The following TLE3 variants were observed in gnomAD, a reference collection of about 807,000 sequenced individuals.
TLE3 encodes the protein TLE family member 3, transcriptional corepressor, also known as transducin-like enhancer protein 3.
TLE3 carries 14 observed loss-of-function variants against 93.0 expected under a neutral mutation model. The ratio of observed to expected loss-of-function variants is 0.15; its 90% confidence interval spans 0.10 to 0.24. TLE3 has a LOEUF of 0.24. TLE3 is among the 10% of genes least tolerant of loss of function. The pLI is 1.00. For synonymous variants in TLE3, 451 were observed against 425.0 expected, an observed-to-expected ratio of 1.06 and a Z score of -0.75; for missense variants, 693 against 1,046.6, an observed-to-expected ratio of 0.66 and a Z score of 4.66.
chr15:70,053,613 G>A (rs2055750290), intron 16 of TLE3: 1 of 396,060 alleles, frequency 2.5e-6, no homozygotes, highest in South Asian at 5.1e-5. Context: ...ATGGGGGGGG[G>A]AGGTGAAAAA....
chr15:70,081,571 G>T (rs2057780492), intron 4 of TLE3, among the ~76,000 whole-genome samples: 1 of 152,250 alleles, frequency 6.6e-6, no homozygotes, highest in South Asian at 2.1e-4. Flanking sequence ...AGGGAAGACT[G>T]GTTGGTGAGG....
intron 6 of TLE3, among the ~76,000 whole-genome samples, chr15:70,068,137 G>A (rs1438330914): frequency 2.0e-5 from 3 of 152,104 alleles, no homozygotes; most frequent in Non-Finnish European, 4.4e-5. Context: ...ACTAATACAT[G>A]CCCATTTTAA....
chr15:70,050,412 G>T (rs1308084623), intron 19 of TLE3: 10 of 496,476 alleles, frequency 2.0e-5, no homozygotes, highest in Non-Finnish European at 3.7e-5. Flanking sequence ...GCATTTTCAG[G>T]TAGAGCTCCC....
At chr15:70,074,688 C>T (rs1385593906) in intron 5 of TLE3, 81 bp from the exon 6 acceptor site, 6 of 1,256,052 alleles carry the variant, frequency 4.8e-6, no homozygotes, top group Non-Finnish European at 5.5e-6. Context: ...CTGGCAGGGC[C>T]TCTCGGAGAG....
At chr15:70,063,111 T>TAA (rs2056597326) in intron 8 of TLE3, among the ~76,000 whole-genome samples, 1 of 152,188 alleles carries the variant, frequency 6.6e-6, no homozygotes, top group African/African-American at 2.4e-5. Flanking sequence ...AGTCAGGTTA[T>TAA]AAAGGGTCTT....
rs1432049833 is a variant in TLE3, at chr15:70,058,258, T to C, written c.952A>G (p.Asn318Asp). The change falls in exon 12 of 20, where the codon AAC (asparagine) becomes GAC (aspartate). Residue 318 changes from asparagine (N) to aspartate (D), a missense_variant. By Grantham distance (23) the Asn-to-Asp change is conservative. Transcript: ENST00000451782. This position sits in a 1 kb window ranked among gnomAD's most constrained non-coding sequence, Gnocchi z 4.1. ...DKSSTPGLKS[N>D]TPTPRNDAPT... ...GCGTCGTTCCTTGGGGTTGGTGTGTTGGACTTGAGCCCAGGGGTGGAGGAT... is the reference window on the plus strand; with the variant it reads ...GCGTCGTTCCTTGGGGTTGGTGTGTCGGACTTGAGCCCAGGGGTGGAGGAT... 1.9e-6 allele frequency: 3 copies of C among 1,613,004 alleles called. No individual in the cohort carries two copies. Among genetic ancestry groups the C allele is most frequent in the South Asian group, 1.1e-5 (1 of 90,908 alleles).
At position 70,097,716 on chromosome 15, in the gene TLE3, T is replaced by C. The variant is rs1273420583; in HGVS notation, c.-918A>G. The C allele has an allele frequency of 2.5e-6, 1 of 395,702 alleles. No homozygotes were observed. The highest frequency in any genetic ancestry group is 4.5e-6 in the Non-Finnish European group (1 of 224,630). The allele number at this position is 395,702 out of a possible 1,614,324, so 24.5% of individuals were successfully genotyped here. On this transcript the variant is annotated 5_prime_UTR_variant, in exon 1 of 20. Transcript: ENST00000451782. ...GAGACCGGGGAGCTCTACGGCTTCC[T>C]TCCTTCCCCTCGGCCCGGCTCTCCT...
chr15:70,060,780 G>A, intron 8 of TLE3, 131 bp from the exon 9 acceptor site: 2 of 1,475,282 alleles, frequency 1.4e-6, no homozygotes, highest in East Asian at 2.5e-5. Flanking sequence ...TCTCTGCCCT[G>A]CAGATCGTGG....
At position 70,053,452 on chromosome 15, in the gene TLE3, T is replaced by G. The variant is rs530918267; in HGVS notation, c.1827-78A>C. ...GGTGGCGGCCATCCCAGGGGCAGTC[T>G]GAGCAGAAGAGAAAACTGAGGCCCA... On this transcript the variant is annotated intron_variant, in intron 16 of 19. Transcript: ENST00000451782. 3.5e-5 allele frequency: 53 copies of G among 1,494,948 alleles called. No homozygotes were observed. The South Asian group carries it at 6.5e-4, about 18-fold the overall frequency. The allele number at this position is 1,494,948 out of a possible 1,614,324, so 92.6% of individuals were successfully genotyped here. A position where few individuals can be genotyped will look rare whatever the true frequency, so the allele number is the denominator to read the frequency against.
At chr15:70,077,166 C>T (rs1417492825) in intron 4 of TLE3, among the ~76,000 whole-genome samples, 1 of 152,192 alleles carries the variant, frequency 6.6e-6, no homozygotes, top group Non-Finnish European at 1.5e-5. Flanking sequence ...GAAAAGACTG[C>T]ATTTAGAAAG....
chr15:70,086,682 A>G (rs2058051639), intron 4 of TLE3, among the ~76,000 whole-genome samples: 3 of 152,236 alleles, frequency 2.0e-5, no homozygotes, highest in African/African-American at 7.2e-5. Flanking sequence ...AAAAAGCAGT[A>G]GAAGAACTGT....
chr15:70,057,955 T>C, intron 12 of TLE3: 1 of 874,282 alleles, frequency 1.1e-6, no homozygotes. Flanking sequence ...ACCCGTCTGA[T>C]GCTGCTTTCA....
chr15:70,080,853 C>T (rs1194435012), intron 4 of TLE3, among the ~76,000 whole-genome samples: 1 of 152,188 alleles, frequency 6.6e-6, no homozygotes, highest in East Asian at 1.9e-4. Flanking sequence ...CCCCCAGCAA[C>T]CTCCTGCTCC....
At chr15:70,064,519 CAA>C (rs1567008549) in intron 7 of TLE3, 49 bp from the exon 8 acceptor site, 2 of 1,610,884 alleles carry the variant, frequency 1.2e-6, no homozygotes, top group African/African-American at 1.3e-5. Context: ...CACCCCAAAA[CAA>C]AAAGACAAAA....
In TLE3 at chr15:70,097,526, C is replaced by T. The variant is rs2058619508; in HGVS notation, c.-728G>A. On this transcript the variant is annotated 5_prime_UTR_variant, in exon 1 of 20. Transcript: ENST00000451782. ...AACTCCGGGCTCAGTAGGTGCAAAT[C>T]AAACGCCCTGGCATCCTAAGTCCAG... 1 of 401,602 alleles carries T rather than the reference C, an allele frequency of 2.5e-6. No individual in the cohort carries two copies. The highest frequency in any genetic ancestry group is 3.6e-5 in the East Asian group (1 of 28,128). The allele number at this position is 401,602 out of a possible 1,614,324, so 24.9% of individuals were successfully genotyped here. A position where few individuals can be genotyped will look rare whatever the true frequency, so the allele number is the denominator to read the frequency against.
intron 4 of TLE3, among the ~76,000 whole-genome samples, chr15:70,077,157 A>G (rs1449246447): frequency 6.6e-6 from 1 of 152,224 alleles, no homozygotes; most frequent in Non-Finnish European, 1.5e-5. Flanking sequence ...AACACCCTAG[A>G]AAAGACTGCA....
Position 70,058,803 on chromosome 15 carries a change from G to A in TLE3, c.778C>T (p.Pro260Ser). Residue 260 changes from proline (P) to serine (S), a missense_variant, in exon 11 of 20, where the codon CCC (proline) becomes TCC (serine). By Grantham distance (74) the Pro-to-Ser change is moderately conservative. This residue lies in a region of TLE3 where 405 missense variants were observed against 468.9 expected (regional missense o/e 0.86). Coordinates refer to ENST00000451782, the MANE Select transcript of TLE3 (RefSeq NM_001105192.3). The surrounding 1 kb of genome is among the most constrained non-coding windows in gnomAD (Gnocchi z 4.1). ...GGGGAGTGTGCCGGGCTGACCCGGG[G>A]CGTTGCGGGGTCCTGAAAACACAAG... ...VDVSNEDPAT[P>S]RVSPAHSPPE... 2 of 1,584,552 alleles carry A rather than the reference G, an allele frequency of 1.3e-6. No individual in the cohort carries two copies. The highest frequency in any genetic ancestry group is 1.7e-6 in the Non-Finnish European group (2 of 1,167,530).
intron 6 of TLE3, among the ~76,000 whole-genome samples, chr15:70,072,903 T>C (rs1158148651): frequency 6.6e-6 from 1 of 152,212 alleles, no homozygotes; most frequent in Non-Finnish European, 1.5e-5. Context: ...CATTAAAATA[T>C]CATGATTTCC....
chr15:70,066,334 G>A lies in TLE3; in HGVS notation c.373-116C>T, dbSNP rs1435839761. 13 of 934,220 alleles carry A rather than the reference G, an allele frequency of 1.4e-5. No individual in the cohort carries two copies. The Admixed American group carries it at 4.1e-4, about 30-fold the overall frequency. 57.9% of individuals were successfully genotyped at this position (934,220 alleles called of 1,614,324 possible). A position where few individuals can be genotyped will look rare whatever the true frequency, so the allele number is the denominator to read the frequency against. ...CATTCCTCTTGCTCCTTCACTGGGT[G>A]GGTGGCAGGGGGAAGCACCCCCAAA... On this transcript the variant is annotated intron_variant, in intron 6 of 19. Transcript: ENST00000451782.
Sources: allele counts gnomAD v4.1 joint callset (sites outside exome capture counted in the v4.1 genomes callset), GRCh38; gene constraint gnomAD v4.1.1; regional missense constraint gnomAD v4.1.1; non-coding constraint Gnocchi (gnomAD v3.1); transcripts MANE v1.5; gene names NCBI Gene and HGNC (gene_info 2026-07-23, HGNC 2026-07-21).